SCFD2: variants seen among roughly 807,000 people sequenced by gnomAD.
SCFD2 encodes sec1 family domain containing 2.
A neutral mutation model predicts 58.9 loss-of-function variants in SCFD2; 54 were observed. The ratio of observed to expected loss-of-function variants is 0.92; its 90% CI spans 0.74 to 1.15. The LOEUF (loss-of-function observed/expected upper bound fraction) is 1.15, where lower values mean the gene tolerates loss of function less well. SCFD2 is among the 50% of genes most tolerant of loss of function. SCFD2 has a pLI of 0.00. For missense variants in SCFD2, 805 were observed against 836.6 expected, an observed-to-expected ratio of 0.96 and a Z score of 0.47; for synonymous variants, 321 against 335.9, an observed-to-expected ratio of 0.96 and a Z score of 0.49.
At chr4:53,144,186 G>A (rs993284401) in intron 5 of SCFD2, among the ~76,000 whole-genome samples, 2 of 151,860 alleles carry the variant, frequency 1.3e-5, no homozygotes, top group Non-Finnish European at 2.9e-5. Flanking sequence ...GTGGTTGACA[G>A]TTGTAATCTC....
chr4:53,069,802 A>G (rs566457715), intron 5 of SCFD2, among the ~76,000 whole-genome samples: 105 of 152,168 alleles, frequency 6.9e-4, no homozygotes, highest in Admixed American at 1.8e-3. Flanking sequence ...ACTGGTGTGT[A>G]TTGTTAGAGA....
intron 4 of SCFD2, among the ~76,000 whole-genome samples, chr4:53,264,002 A>G (rs1730907142): frequency 6.6e-6 from 1 of 152,138 alleles, no homozygotes; most frequent in African/African-American, 2.4e-5. Context: ...TATAGTTCCC[A>G]AGCCAATGGA....
At chr4:53,095,836 C>CAGGTATAT (rs1724608550) in intron 5 of SCFD2, among the ~76,000 whole-genome samples, 3 of 151,826 alleles carry the variant, frequency 2.0e-5, no homozygotes, top group Admixed American at 2.0e-4. Flanking sequence ...TCGTCATTTA[C>CAGGTATAT]ATTAGGTATA....
At chr4:53,284,409 G>A (rs911084671) in intron 3 of SCFD2, among the ~76,000 whole-genome samples, 2 of 152,146 alleles carry the variant, frequency 1.3e-5, no homozygotes, top group African/African-American at 4.8e-5. Flanking sequence ...CAGAATGGTG[G>A]GGTCAGGGAA....
intron 5 of SCFD2, among the ~76,000 whole-genome samples, chr4:52,971,453 A>G (rs1423802648): frequency 2.0e-5 from 3 of 152,220 alleles, no homozygotes; most frequent in African/African-American, 4.8e-5. Flanking sequence ...AAGCGAGAAG[A>G]GAAGATTAGA....
chr4:52,966,423 C>T (rs551790003), intron 5 of SCFD2, among the ~76,000 whole-genome samples: 16 of 152,266 alleles, frequency 1.1e-4, no homozygotes, highest in East Asian at 7.7e-4. Flanking sequence ...TGTGATTCCT[C>T]GGATTCTTTA....
At chr4:52,948,753 T>G in intron 5 of SCFD2, 1 of 306,466 alleles carries the variant, frequency 3.3e-6, no homozygotes. Context: ...TGACAGTGTG[T>G]AGTCTTCATG....
In SCFD2 at chr4:52,883,519, G is replaced by A. The variant is rs548345159; in HGVS notation, c.1962+2228C>T. Among the ~76,000 whole-genome samples, 3 of 152,336 alleles carry A rather than the reference G, an allele frequency of 2.0e-5. No homozygotes were observed. In the East Asian group the frequency reaches 5.8e-4, roughly 29 times the overall value. On this transcript the variant is annotated intron_variant, in intron 8 of 8. Transcript: ENST00000401642. ...CTCTCTCTGCAGATGACTGAGCACAGGGTCAGATTGCAGCAAAGTCACTGT... is the reference window on the plus strand; with the variant it reads ...CTCTCTCTGCAGATGACTGAGCACAAGGTCAGATTGCAGCAAAGTCACTGT...
At chr4:52,881,177 G>A (rs1404378345) in intron 8 of SCFD2, among the ~76,000 whole-genome samples, 1 of 152,242 alleles carries the variant, frequency 6.6e-6, no homozygotes, top group Non-Finnish European at 1.5e-5. Context: ...TAGCAGGTGG[G>A]CATGTGGTTT....
chr4:53,283,713 C>T (rs1411010425), intron 3 of SCFD2, among the ~76,000 whole-genome samples: 5 of 151,968 alleles, frequency 3.3e-5, no homozygotes, highest in Non-Finnish European at 2.9e-5. Flanking sequence ...GGATTACAGG[C>T]GCCCACCACC....
chr4:53,226,294 T>C (rs925808901), intron 4 of SCFD2, among the ~76,000 whole-genome samples: 11 of 152,174 alleles, frequency 7.2e-5, no homozygotes, highest in African/African-American at 2.4e-4. Context: ...TTATTGGTAA[T>C]TATTTTTATG....
chr4:53,082,064 T>C lies in SCFD2; in HGVS notation c.1561+63269A>G, dbSNP rs192018856. ...TCTATTTTCATAACTGAATATTGTA[T>C]GGATATAACACATTTTGTTAAACCA... On this transcript the variant is annotated intron_variant, in intron 5 of 8. Coordinates refer to ENST00000401642, the MANE Select transcript of SCFD2 (RefSeq NM_152540.4). 7.2e-3 allele frequency among the ~76,000 whole-genome samples: 1,095 copies of C among 152,342 alleles called. 23 individuals carry two copies. Among genetic ancestry groups the C allele is most frequent in the Admixed American group, 0.037 (558 of 15,286 alleles).
chr4:53,309,989 C>T lies in SCFD2; in HGVS notation c.1135+3647G>A, dbSNP rs1273677109. On this transcript the variant is annotated intron_variant, in intron 3 of 8. Transcript: ENST00000401642. ...AATAAGTGGCAGAACTGTGATTCAC[C>T]CTCAGATATAATTGACTTTATACTC... Among the ~76,000 whole-genome samples the T allele has an allele frequency of 5.3e-5, 8 of 152,056 alleles. No individual in the cohort carries two copies. The South Asian group carries it at 1.7e-3, about 32-fold the overall frequency.
chr4:53,237,593 G>A (rs1488067436), intron 4 of SCFD2, among the ~76,000 whole-genome samples: 9 of 108,612 alleles, frequency 8.3e-5, no homozygotes, highest in Admixed American at 3.4e-4. Context: ...AGGGGCGGCC[G>A]GGCAGAGGCG....
intron 4 of SCFD2, among the ~76,000 whole-genome samples, chr4:53,253,636 A>G (rs950140166): frequency 2.0e-5 from 3 of 151,072 alleles, no homozygotes; most frequent in African/African-American, 7.3e-5. Flanking sequence ...AACTATCGCA[A>G]GAACAAAAAA....
At chr4:53,141,945 C>T (rs991058980) in intron 5 of SCFD2, among the ~76,000 whole-genome samples, 3 of 152,136 alleles carry the variant, frequency 2.0e-5, no homozygotes, top group African/African-American at 7.2e-5. Flanking sequence ...GGTTGATCTT[C>T]CCCACCAAAT....
intron 3 of SCFD2, among the ~76,000 whole-genome samples, chr4:53,292,860 G>C (rs553789755): frequency 6.6e-6 from 1 of 150,956 alleles, no homozygotes; most frequent in South Asian, 2.1e-4. Context: ...CATACACTGA[G>C]GCCTGTCAGG....
At chr4:53,233,346 G>T (rs993778159) in intron 4 of SCFD2, among the ~76,000 whole-genome samples, 2 of 152,022 alleles carry the variant, frequency 1.3e-5, no homozygotes, top group Non-Finnish European at 2.9e-5. Context: ...TTTTGGTCAT[G>T]CAAGAATAAC....
chr4:52,909,849 A>G, intron 6 of SCFD2, among the ~76,000 whole-genome samples: 1 of 152,308 alleles, frequency 6.6e-6, no homozygotes. Context: ...TTTAATAAAT[A>G]TTATTTTAAA....
Sources: allele counts gnomAD v4.1 joint callset (sites outside exome capture counted in the v4.1 genomes callset), GRCh38; gene constraint gnomAD v4.1.1; transcripts MANE v1.5; gene names NCBI Gene and HGNC (gene_info 2026-07-23, HGNC 2026-07-21).